The following SNX29 variants were observed in gnomAD, a reference collection of about 807,000 sequenced individuals.
SNX29 encodes sorting nexin 29.
Under a neutral mutation model 102.1 loss-of-function variants are expected in SNX29, and 78 were observed. The ratio of observed to expected loss-of-function variants is 0.76; its 90% CI spans 0.64 to 0.92. SNX29 has a LOEUF of 0.92. Ranked by LOEUF, SNX29 falls within the 40% of genes least tolerant of loss-of-function variation. The probability of loss-of-function intolerance (pLI) is 0.00; values close to 1 mark genes in which losing one functional copy is unlikely to be tolerated. For missense variants in SNX29, 1,280 were observed against 1,061.7 expected (o/e 1.21, Z -2.86); for synonymous variants, 580 against 414.5 (o/e 1.40, Z -4.85).
At chr16:11,988,293 C>CA (rs35258709) in intron 1 of SNX29, among the ~76,000 whole-genome samples, 53,659 of 128,992 alleles carry the variant, frequency 0.42, 11,866 homozygotes, top group Non-Finnish European at 0.52. Context: ...GACTCCATCT[C>CA]AAAAAAAAAA....
chr16:12,176,932 C>A (rs1015104675), intron 13 of SNX29, among the ~76,000 whole-genome samples: 2 of 151,208 alleles, frequency 1.3e-5, no homozygotes, highest in Admixed American at 6.6e-5. Flanking sequence ...TCGGGCTGTT[C>A]AGGGTTTTTT....
At chr16:12,002,233 A>G (rs2056314224) in intron 2 of SNX29, among the ~76,000 whole-genome samples, 3 of 152,200 alleles carry the variant, frequency 2.0e-5, no homozygotes, top group East Asian at 3.9e-4. Context: ...GGATCACCTG[A>G]GGTCGGGAGT....
Position 12,135,834 on chromosome 16 carries a change from C to T in SNX29, c.1595+6076C>T, listed in dbSNP as rs931756890. Reference sequence around the variant, plus strand: ...AGAGATTGGAGCACGTGTATTTTCTCTGCACCTAAGTAGACATGTCATCTC... The same window carrying T: ...AGAGATTGGAGCACGTGTATTTTCTTTGCACCTAAGTAGACATGTCATCTC... On this transcript the variant is annotated intron_variant, in intron 13 of 20. Coordinates refer to ENST00000566228, the MANE Select transcript of SNX29 (RefSeq NM_032167.5). 3.8e-5 allele frequency: 14 copies of T among 366,130 alleles called. 1 individual carries two copies. The Admixed American group carries it at 4.5e-4, about 12-fold the overall frequency. The allele number at this position is 366,130 out of a possible 1,614,324, so 22.7% of individuals were successfully genotyped here.
intron 13 of SNX29, among the ~76,000 whole-genome samples, chr16:12,148,469 A>G (rs1372493451): frequency 1.3e-5 from 2 of 152,168 alleles, no homozygotes; most frequent in Non-Finnish European, 2.9e-5. Context: ...CGTTAGCTAC[A>G]TCTTAGTAGA....
chr16:12,312,527 C>G (rs375810345), intron 15 of SNX29, among the ~76,000 whole-genome samples: 2 of 152,024 alleles, frequency 1.3e-5, no homozygotes, highest in African/African-American at 4.8e-5. Context: ...AGGTTTTACC[C>G]GGAAATAAGC....
intron 20 of SNX29, among the ~76,000 whole-genome samples, chr16:12,544,905 A>G (rs188691553): frequency 7.3e-4 from 111 of 152,294 alleles, no homozygotes; most frequent in African/African-American, 2.6e-3. Flanking sequence ...CCAGTAATCA[A>G]TAGTCATTAG....
At chr16:12,532,614 C>T (rs2076961927) in intron 20 of SNX29, among the ~76,000 whole-genome samples, 2 of 152,214 alleles carry the variant, frequency 1.3e-5, no homozygotes, top group South Asian at 4.1e-4. Context: ...TATTTGGAAA[C>T]ACTCTTTGGG....
chr16:12,343,745 C>T (rs1035991304), intron 15 of SNX29, among the ~76,000 whole-genome samples: 38 of 152,006 alleles, frequency 2.5e-4, no homozygotes, highest in African/African-American at 9.2e-4. Context: ...GGGTCCTTGT[C>T]ACACTGATGC....
intron 20 of SNX29, among the ~76,000 whole-genome samples, chr16:12,528,498 C>G (rs1157172391): frequency 6.6e-6 from 1 of 152,202 alleles, no homozygotes; most frequent in African/African-American, 2.4e-5. Context: ...CCACCCCCAG[C>G]CTAGCTTCTC....
chr16:12,572,552 G>C lies in SNX29; in HGVS notation c.*3923G>C. On this transcript the variant is annotated 3_prime_UTR_variant, in exon 21 of 21. Coordinates refer to ENST00000566228, the MANE Select transcript of SNX29 (RefSeq NM_032167.5). ...CCACAGGGGGCTGCGACACCATCTG[G>C]CTCCTCACAGGGAGGTCCAGCCATG... 2 of 1,063,460 alleles carry C rather than the reference G, an allele frequency of 1.9e-6. No homozygotes were observed. The highest frequency in any genetic ancestry group is 2.3e-6 in the Non-Finnish European group (2 of 878,090). 65.9% of individuals were successfully genotyped at this position (1,063,460 alleles called of 1,614,324 possible).
At chr16:12,214,388 T>A (rs932542610) in intron 14 of SNX29, among the ~76,000 whole-genome samples, 3 of 152,236 alleles carry the variant, frequency 2.0e-5, no homozygotes, top group Admixed American at 2.0e-4. Context: ...AGTCAGCTTT[T>A]GTTTTCAACT....
intron 18 of SNX29, among the ~76,000 whole-genome samples, chr16:12,459,364 A>G (rs1335978837): frequency 7.9e-5 from 12 of 151,770 alleles, no homozygotes; most frequent in Admixed American, 7.9e-4. Context: ...GAACACCCTC[A>G]CGGTGGTGCA....
intron 15 of SNX29, among the ~76,000 whole-genome samples, chr16:12,330,528 C>T (rs966812943): frequency 5.3e-5 from 8 of 152,186 alleles, no homozygotes; most frequent in Non-Finnish European, 8.8e-5. Context: ...ACTGTTTAAT[C>T]CTCCCGACAG....
At chr16:12,292,102 G>A (rs933579213) in intron 15 of SNX29, among the ~76,000 whole-genome samples, 1 of 152,210 alleles carries the variant, frequency 6.6e-6, no homozygotes, top group African/African-American at 2.4e-5. Flanking sequence ...GTGCAGAAAT[G>A]TTCATTTCGA....
chr16:12,555,163 G>C (rs138000761), intron 20 of SNX29, among the ~76,000 whole-genome samples: 1 of 152,002 alleles, frequency 6.6e-6, no homozygotes, highest in Admixed American at 6.5e-5. Flanking sequence ...GACAGGGTCT[G>C]GCATCAGTGG....
chr16:12,295,786 A>G (rs1382067696), intron 15 of SNX29, among the ~76,000 whole-genome samples: 1 of 147,914 alleles, frequency 6.8e-6, no homozygotes, highest in African/African-American at 2.5e-5. Context: ...TTTTTTCCTC[A>G]CTCCCTTCAA....
chr16:12,332,872 C>G (rs138892662), intron 15 of SNX29, among the ~76,000 whole-genome samples: 1 of 152,184 alleles, frequency 6.6e-6, no homozygotes, highest in African/African-American at 2.4e-5. Flanking sequence ...CATGTGCCCT[C>G]GTCCTTCAAG....
chr16:12,439,568 A>G (rs901664245), intron 18 of SNX29, among the ~76,000 whole-genome samples: 39 of 152,302 alleles, frequency 2.6e-4, no homozygotes, highest in South Asian at 1.5e-3. Flanking sequence ...TTCCCCTCAT[A>G]AAAGCATCAG....
intron 20 of SNX29, chr16:12,557,270 T>G (rs529369357): frequency 6.6e-6 from 1 of 151,884 alleles, no homozygotes; most frequent in Non-Finnish European, 1.5e-5. Flanking sequence ...AAGTGGGGAG[T>G]GCAGGCAGAA....
Sources: gnomAD v4.1 joint callset for allele counts (sites outside exome capture counted in the v4.1 genomes callset) on GRCh38, gnomAD v4.1.1 for gene constraint, MANE v1.5 for transcripts, NCBI Gene and HGNC (gene_info 2026-07-23, HGNC 2026-07-21) for gene names.